The following MAF variants were observed in gnomAD, a reference collection of about 807,000 sequenced individuals.
MAF encodes transcription factor Maf.
Under a neutral mutation model 22.0 loss-of-function variants are expected in MAF, and 10 were observed. The ratio of observed to expected loss-of-function variants is 0.45; its 90% CI spans 0.28 to 0.77. The LOEUF (loss-of-function observed/expected upper bound fraction) is 0.77. Among genes scored for constraint, MAF ranks in the 30% least tolerant of loss-of-function variants. The pLI, the probability that MAF is intolerant of heterozygous loss-of-function variation, is 0.12. For synonymous variants in MAF, 337 were observed against 255.8 expected (o/e 1.32, Z -3.03); for missense variants, 544 against 548.4 (o/e 0.99, Z 0.08).
chr16:79,445,834 G>C, the MAF span, among the ~76,000 whole-genome samples: 1 of 152,174 alleles, frequency 6.6e-6, no homozygotes, highest in Non-Finnish European at 1.5e-5. Flanking sequence ...GTGTATTATA[G>C]ATGTTATTTC....
At chr16:79,384,764 AT>A in the MAF span, among the ~76,000 whole-genome samples, 4 of 152,164 alleles carry the variant, frequency 2.6e-5, no homozygotes, top group Non-Finnish European at 4.4e-5. Context: ...CTCAAAAAAA[AT>A]AAAATAAAAT....
At chr16:79,206,835 A>G in the MAF span, 1 of 134,950 alleles carries the variant, frequency 7.4e-6, no homozygotes. Context: ...TCATTCCTGT[A>G]TAGGCTGCAT....
chr16:79,584,887 T>C (rs1158822889), downstream of MAF, among the ~76,000 whole-genome samples: 1 of 152,226 alleles, frequency 6.6e-6, no homozygotes, highest in East Asian at 1.9e-4. Context: ...AGATACTATT[T>C]TTAAAAAGTG....
At chr16:79,473,227 C>T in the MAF span, among the ~76,000 whole-genome samples, 2 of 152,094 alleles carry the variant, frequency 1.3e-5, no homozygotes, top group East Asian at 1.9e-4. Flanking sequence ...AGGGAGTCCT[C>T]ATTTCTCTTT....
At chr16:79,302,755 G>A in the MAF span, among the ~76,000 whole-genome samples, 1 of 152,222 alleles carries the variant, frequency 6.6e-6, no homozygotes, top group Non-Finnish European at 1.5e-5. Flanking sequence ...GGCATTTGCT[G>A]TTATTCAAAA....
chr16:79,584,052 G>A (rs1912691904), downstream of MAF, among the ~76,000 whole-genome samples: 1 of 151,916 alleles, frequency 6.6e-6, no homozygotes, highest in Non-Finnish European at 1.5e-5. Context: ...ATACCACTTG[G>A]GATGAATATT....
chr16:79,505,959 G>GAA, the MAF span, among the ~76,000 whole-genome samples: 1 of 151,806 alleles, frequency 6.6e-6, no homozygotes, highest in South Asian at 2.1e-4. Flanking sequence ...GAGAAAGAAA[G>GAA]AAAGAAAATA....
chr16:79,250,028 C>G, the MAF span, among the ~76,000 whole-genome samples: 1 of 152,198 alleles, frequency 6.6e-6, no homozygotes, highest in Non-Finnish European at 1.5e-5. Context: ...CTGAATTAGC[C>G]CGTTACCAGC....
chr16:79,266,077 T>C, the MAF span, among the ~76,000 whole-genome samples: 12 of 152,080 alleles, frequency 7.9e-5, no homozygotes, highest in Non-Finnish European at 2.9e-5. Flanking sequence ...TCTCACTGTG[T>C]TGCCTAGGCT....
At chr16:79,247,962 T>A in the MAF span, among the ~76,000 whole-genome samples, 1 of 152,120 alleles carries the variant, frequency 6.6e-6, no homozygotes. Flanking sequence ...GTTAAGGACA[T>A]CTTTTCCCAA....
chr16:79,453,812 T>A, the MAF span, among the ~76,000 whole-genome samples: 3 of 152,326 alleles, frequency 2.0e-5, no homozygotes, highest in Non-Finnish European at 4.4e-5. Context: ...GCCCTGAGAA[T>A]AAAATAGGTA....
At position 79,599,484 on chromosome 16, in the gene MAF, G is replaced by A. The variant is rs747345240; in HGVS notation, c.419C>T (p.Ala140Val). 3 of 1,408,438 alleles carry A rather than the reference G, an allele frequency of 2.1e-6. No homozygotes were observed. Among genetic ancestry groups the A allele is most frequent in the Non-Finnish European group, 1.8e-6 (2 of 1,090,224 alleles). 87.2% of individuals were successfully genotyped at this position (1,408,438 alleles called of 1,614,324 possible). A position where few individuals can be genotyped will look rare whatever the true frequency, so the allele number is the denominator to read the frequency against. ...GYARGAQQLA[A>V]AAGAGAGASL... is the part of the protein sequence containing the mutation. ...GGCGCCGGCACCGGCCCCGGCCGCC[G>A]CGGCCAGCTGCTGCGCCCCGCGCGC... is the stretch of plus-strand genomic sequence containing the variant. Residue 140 changes from alanine to valine, a missense_variant, in exon 1 of 2, where the codon GCG (alanine) becomes GTG (valine). By Grantham distance (64) the Ala-to-Val change is moderately conservative (BLOSUM62 0). This residue lies in a region of MAF where 342 missense variants were observed against 315.5 expected (regional missense o/e 1.08). Transcript: ENST00000326043.
the MAF span, among the ~76,000 whole-genome samples, chr16:79,372,209 G>A: frequency 6.6e-6 from 1 of 152,004 alleles, no homozygotes; most frequent in Non-Finnish European, 1.5e-5. Flanking sequence ...GCCAGCCCAG[G>A]TCACAGAATT....
the MAF span, among the ~76,000 whole-genome samples, chr16:79,367,247 G>A: frequency 9.2e-5 from 14 of 152,178 alleles, no homozygotes; most frequent in African/African-American, 3.1e-4. Flanking sequence ...CTTTGAGGAA[G>A]TTAGCTCTCT....
the MAF span, among the ~76,000 whole-genome samples, chr16:79,512,888 G>A: frequency 1.1e-4 from 17 of 152,190 alleles, no homozygotes; most frequent in Non-Finnish European, 2.4e-4. Context: ...CACACGTGCT[G>A]TATACCTGTA....
At chr16:79,240,345 T>C in the MAF span, among the ~76,000 whole-genome samples, 2 of 151,086 alleles carry the variant, frequency 1.3e-5, no homozygotes, top group Non-Finnish European at 1.5e-5. Context: ...CCTGGTGACA[T>C]TTTAACTAAA....
the MAF span, among the ~76,000 whole-genome samples, chr16:79,349,582 G>C: frequency 1.3e-5 from 2 of 152,090 alleles, no homozygotes; most frequent in Non-Finnish European, 2.9e-5. Flanking sequence ...AGGAACATAC[G>C]GCCTGCCTCT....
the MAF span, among the ~76,000 whole-genome samples, chr16:79,397,909 G>T: frequency 6.6e-6 from 1 of 152,210 alleles, no homozygotes; most frequent in Non-Finnish European, 1.5e-5. Context: ...ATTCTGGAGA[G>T]AAAGATGTAT....
At chr16:79,235,663 T>G in the MAF span, among the ~76,000 whole-genome samples, 1 of 152,006 alleles carries the variant, frequency 6.6e-6, no homozygotes, top group Non-Finnish European at 1.5e-5. Flanking sequence ...TCTACGGTAA[T>G]AGAAGGAGAA....
Sources: allele counts gnomAD v4.1 joint callset (sites outside exome capture counted in the v4.1 genomes callset), GRCh38; gene constraint gnomAD v4.1.1; regional missense constraint gnomAD v4.1.1; transcripts MANE v1.5; gene names NCBI Gene and HGNC (gene_info 2026-07-23, HGNC 2026-07-21).